Variants in KYAT3 observed in about 807,000 individuals in gnomAD.
The protein encoded by KYAT3 is kynurenine aminotransferase 3, also known as kynurenine--oxoglutarate transaminase 3.
A neutral mutation model predicts 59.0 loss-of-function variants in KYAT3; 50 were observed. That is an observed-to-expected ratio of 0.85 (90% CI 0.68 to 1.07). The LOEUF (loss-of-function observed/expected upper bound fraction) is 1.07, where lower values mean the gene tolerates loss of function less well. Among genes scored for constraint, KYAT3 ranks in the 50% least tolerant of loss-of-function variants. KYAT3 has a pLI of 0.00. For synonymous variants in KYAT3, 148 were observed against 177.0 expected (o/e 0.84, Z 1.30); for missense variants, 497 against 533.3 (o/e 0.93, Z 0.67).
At position 88,984,364 on chromosome 1, in the gene KYAT3, G is replaced by A. The variant is rs143213259; in HGVS notation, c.99+3888C>T. Among the ~76,000 whole-genome samples, 79 of 151,866 alleles carry A rather than the reference G, an allele frequency of 5.2e-4. 3 individuals are homozygous for A. The highest frequency in any genetic ancestry group is 1.7e-3 in the African/African-American group (71 of 41,418). On this transcript the variant is annotated intron_variant, in intron 2 of 13. Transcript: ENST00000260508. ...TGAGTAGCTTGGATTACCGGCATGCGCCACCACACCTGGCTAATTTTTGTA... is the reference window on the plus strand; with the variant it reads ...TGAGTAGCTTGGATTACCGGCATGCACCACCACACCTGGCTAATTTTTGTA...
chr1:88,928,854 C>G, the KYAT3 span, among the ~76,000 whole-genome samples: 9 of 152,204 alleles, frequency 5.9e-5, no homozygotes, highest in Non-Finnish European at 1.3e-4. Flanking sequence ...CTAGATACTT[C>G]TCTCAGCCAC....
chr1:88,983,527 T>C, intron 2 of KYAT3: 1 of 1,614,200 alleles, frequency 6.2e-7, no homozygotes, highest in Non-Finnish European at 8.5e-7. Flanking sequence ...CTCTACTTCT[T>C]GGAGGTGGGG....
intron 2 of KYAT3, chr1:88,982,480 T>C: frequency 8.9e-7 from 1 of 1,119,976 alleles, no homozygotes; most frequent in Non-Finnish European, 1.2e-6. Context: ...ATTAAACATG[T>C]TTTACTTTTT....
At chr1:88,955,249 T>A (rs780052439) in intron 8 of KYAT3, 24 bp from the exon 9 acceptor site, 1 of 1,400,904 alleles carries the variant, frequency 7.1e-7, no homozygotes, top group South Asian at 1.2e-5. Context: ...GAAAAAAGGG[T>A]AAATATTGTT....
At chr1:88,982,856 C>T in intron 2 of KYAT3, 1 of 1,613,772 alleles carries the variant, frequency 6.2e-7, no homozygotes, top group Non-Finnish European at 8.5e-7. Flanking sequence ...GTAACTGTCT[C>T]GACTTCCACC....
chr1:88,952,435 G>A (rs1675715099), intron 10 of KYAT3, among the ~76,000 whole-genome samples: 1 of 152,162 alleles, frequency 6.6e-6, no homozygotes. Flanking sequence ...TCTCATGAAT[G>A]GTTTAGCACC....
chr1:88,927,855 C>T, the KYAT3 span, among the ~76,000 whole-genome samples: 6 of 152,182 alleles, frequency 3.9e-5, no homozygotes, highest in African/African-American at 1.4e-4. Flanking sequence ...CTAAATCAGA[C>T]ACTAACCCCA....
intron 10 of KYAT3, among the ~76,000 whole-genome samples, chr1:88,952,680 A>T (rs770497005): frequency 2.6e-5 from 4 of 152,190 alleles, no homozygotes; most frequent in Non-Finnish European, 2.9e-5. Flanking sequence ...TTCTTTATAA[A>T]TTACTAAGTC....
rs1189061854 is a variant in KYAT3 at position 88,983,619 on chromosome 1, T to C, written c.99+4633A>G. The C allele has an allele frequency of 5.0e-6, 8 of 1,614,078 alleles. No individual in the cohort carries two copies. In the Admixed American group the frequency reaches 1.3e-4, roughly 27 times the overall value. On this transcript the variant is annotated intron_variant, in intron 2 of 13. Transcript: ENST00000260508. The stretch of plus-strand genomic sequence containing the variant: ...GCTTTTCCATCTAATGACTTTCCAT[T>C]CATGTCTCTGGCTGCATCCTTAGCG...
downstream of KYAT3, among the ~76,000 whole-genome samples, chr1:88,933,866 G>A (rs531206012): frequency 6.6e-6 from 1 of 152,258 alleles, no homozygotes; most frequent in Admixed American, 6.5e-5. Context: ...CTAGATGGCT[G>A]GGCCTGGTAA....
chr1:88,977,046 AC>A, intron 2 of KYAT3, among the ~76,000 whole-genome samples: 1 of 152,116 alleles, frequency 6.6e-6, no homozygotes, highest in East Asian at 1.9e-4. Context: ...ACGGAGTCTC[AC>A]TTCGTTGCCC....
chr1:88,954,244 G>A (rs1264426088), intron 9 of KYAT3, among the ~76,000 whole-genome samples: 1 of 152,180 alleles, frequency 6.6e-6, no homozygotes, highest in Non-Finnish European at 1.5e-5. Context: ...GAGGCTGGAA[G>A]AGAATTGGGT....
rs534755760 is a variant in KYAT3 at position 88,948,476 on chromosome 1, T to TA, written c.1141+614dup. Among the ~76,000 whole-genome samples, 61 of 152,330 alleles carry TA rather than the reference T, an allele frequency of 4.0e-4. No homozygotes were observed. The East Asian group carries it at 7.3e-3, about 18-fold the overall frequency. The stretch of plus-strand genomic sequence containing the variant: ...TTACATATAACAGCTTTAGGTAATA[T>TA]AAAAAACAATGCTTTTTGGAAACAG... On this transcript the variant is annotated intron_variant, in intron 11 of 13. Transcript: ENST00000260508.
chr1:88,926,876 A>G, the KYAT3 span, among the ~76,000 whole-genome samples: 5 of 152,292 alleles, frequency 3.3e-5, no homozygotes, highest in East Asian at 9.7e-4. Context: ...ATGGGAATGA[A>G]TCTTGATGGG....
chr1:88,991,983 G>GT (rs10638041), intron 1 of KYAT3, among the ~76,000 whole-genome samples: 81,605 of 144,532 alleles, frequency 0.56, 23,180 homozygotes, highest in Middle Eastern at 0.62. Context: ...TATTCTTTTG[G>GT]TTTTTTTTTT....
At chr1:88,970,002 C>G (rs1421045206) in intron 2 of KYAT3, among the ~76,000 whole-genome samples, 1 of 152,032 alleles carries the variant, frequency 6.6e-6, no homozygotes, top group East Asian at 1.9e-4. Context: ...CATCTTCTCA[C>G]CTAAGGACAA....
chr1:88,982,442 G>A (rs1258297960), intron 2 of KYAT3: 2 of 1,002,958 alleles, frequency 2.0e-6, no homozygotes, highest in African/African-American at 3.3e-5. Flanking sequence ...TTTGCTTGTT[G>A]AAAAGCAATG....
chr1:88,961,065 T>C (rs1321592065), intron 8 of KYAT3, 102 bp downstream of exon 8: 20 of 1,145,034 alleles, frequency 1.7e-5, no homozygotes, highest in Non-Finnish European at 2.6e-5. Context: ...CAGATACCCA[T>C]TACAAAGACT....
chr1:88,933,236 C>T (rs1301908002), downstream of KYAT3, among the ~76,000 whole-genome samples: 1 of 152,176 alleles, frequency 6.6e-6, no homozygotes, highest in Non-Finnish European at 1.5e-5. Flanking sequence ...ATGACTTAAT[C>T]TCCCTCCCCT....
Sources: gnomAD v4.1 joint callset for allele counts (sites outside exome capture counted in the v4.1 genomes callset) on GRCh38, gnomAD v4.1.1 for gene constraint, MANE v1.5 for transcripts, NCBI Gene and HGNC (gene_info 2026-07-23, HGNC 2026-07-21) for gene names.